The following RAB3GAP2 variants were observed in gnomAD, a reference collection of about 807,000 sequenced individuals.
RAB3GAP2 encodes RAB3 GTPase activating non-catalytic protein subunit 2.
In RAB3GAP2, 87 loss-of-function variants were observed where a neutral mutation model predicts 185.3. The observed-to-expected ratio is 0.47, with a 90% CI of 0.39 to 0.56. The LOEUF is 0.56. Ranked by LOEUF, RAB3GAP2 falls within the 20% of genes least tolerant of loss-of-function variation. RAB3GAP2 has a pLI of 0.00. For synonymous variants in RAB3GAP2, 554 were observed against 576.1 expected, an observed-to-expected ratio of 0.96 and a Z score of 0.55; for missense variants, 1,492 against 1,638.2, an observed-to-expected ratio of 0.91 and a Z score of 1.54.
chr1:220,225,844 TGA>T (rs1659392851), intron 2 of RAB3GAP2, among the ~76,000 whole-genome samples: 1 of 152,216 alleles, frequency 6.6e-6, no homozygotes, highest in Admixed American at 6.5e-5. Flanking sequence ...GCAGGTGGCA[TGA>T]GAGTCTACTG....
intron 3 of RAB3GAP2, 22 bp downstream of exon 3, chr1:220,213,834 C>T: frequency 6.2e-7 from 1 of 1,607,160 alleles, no homozygotes; most frequent in South Asian, 1.1e-5. Context: ...ATAAAGGTCG[C>T]TGAAAATAAT....
intron 1 of RAB3GAP2, among the ~76,000 whole-genome samples, chr1:220,263,499 T>C (rs921636808): frequency 1.3e-5 from 2 of 152,134 alleles, no homozygotes; most frequent in African/African-American, 2.4e-5. Flanking sequence ...TTCATTCTTT[T>C]GCATATGGAT....
chr1:220,252,724 A>G (rs1659960799), intron 1 of RAB3GAP2, among the ~76,000 whole-genome samples: 1 of 152,126 alleles, frequency 6.6e-6, no homozygotes, highest in Non-Finnish European at 1.5e-5. Flanking sequence ...TCTCCTCATG[A>G]GCCCACACCA....
Position 220,196,273 on chromosome 1 carries a change from T to G in RAB3GAP2, c.937A>C (p.Thr313Pro). The change falls in exon 10 of 35, where the codon ACT (threonine) becomes CCT (proline). Residue 313 changes from threonine to proline, a missense_variant. Around this residue, in one of 5 missense-constraint regions of RAB3GAP2, gnomAD observed 243 missense variants for 314.8 expected, o/e 0.77. Transcript: ENST00000358951. ...ACCTCTAAAGCATAGAAGAAGCCAGTAAATGGATTGGACCCTACAGTGATA... is the reference window on the plus strand; with the variant it reads ...ACCTCTAAAGCATAGAAGAAGCCAGGAAATGGATTGGACCCTACAGTGATA... ...QYITVGSNPF[T>P]GFFYALEGST... The G allele has an allele frequency of 6.2e-7, 1 of 1,613,474 alleles. No homozygotes were observed. The highest frequency in any genetic ancestry group is 1.3e-5 in the African/African-American group (1 of 75,038).
chr1:220,227,025 C>T (rs979398354), intron 2 of RAB3GAP2, among the ~76,000 whole-genome samples: 3 of 152,204 alleles, frequency 2.0e-5, no homozygotes, highest in African/African-American at 7.2e-5. Flanking sequence ...CACCAGAAAT[C>T]AGCCCCGATG....
At chr1:220,153,791 C>G (rs763596081) in intron 32 of RAB3GAP2, 177 bp downstream of exon 32, 241 of 767,814 alleles carry the variant, frequency 3.1e-4, no homozygotes, top group Non-Finnish European at 4.5e-4. Context: ...GTGATGTTCC[C>G]CACCCTGTGT....
intron 1 of RAB3GAP2, among the ~76,000 whole-genome samples, chr1:220,263,388 T>G (rs1660175276): frequency 6.6e-6 from 1 of 152,132 alleles, no homozygotes; most frequent in Non-Finnish European, 1.5e-5. Flanking sequence ...GTCATGAAGC[T>G]TTTCTCCTAT....
intron 9 of RAB3GAP2, among the ~76,000 whole-genome samples, chr1:220,197,943 C>A (rs1446508871): frequency 6.6e-6 from 1 of 152,116 alleles, no homozygotes; most frequent in Non-Finnish European, 1.5e-5. Context: ...TGATTTCAAG[C>A]TTACCACACT....
chr1:220,267,230 C>A, intron 1 of RAB3GAP2: 2 of 912,416 alleles, frequency 2.2e-6, no homozygotes, highest in East Asian at 4.8e-5. Context: ...GTTCTCTGCT[C>A]ATCAAACTTT....
intron 1 of RAB3GAP2, chr1:220,267,882 G>C: frequency 1.2e-6 from 1 of 842,416 alleles, no homozygotes; most frequent in East Asian, 2.4e-5. Context: ...AGCCTCAACA[G>C]GCCCTGAAAT....
intron 21 of RAB3GAP2, among the ~76,000 whole-genome samples, chr1:220,179,397 G>T (rs1008541820): frequency 6.6e-6 from 1 of 152,080 alleles, no homozygotes; most frequent in South Asian, 2.1e-4. Context: ...AGATCTAAAG[G>T]GAGAGACAGA....
chr1:220,193,699 G>A (rs976014311), intron 12 of RAB3GAP2, among the ~76,000 whole-genome samples: 13 of 152,100 alleles, frequency 8.5e-5, no homozygotes, highest in Non-Finnish European at 1.5e-4. Context: ...CTAAATTTTA[G>A]AATATGCTCC....
At chr1:220,168,236 G>A (rs1208576266) in intron 24 of RAB3GAP2, among the ~76,000 whole-genome samples, 2 of 151,960 alleles carry the variant, frequency 1.3e-5, no homozygotes, top group African/African-American at 4.8e-5. Context: ...GAGATTACAG[G>A]CGCCCACCAC....
At chr1:220,266,077 G>A (rs1461496638) in intron 1 of RAB3GAP2, 1 of 153,688 alleles carries the variant, frequency 6.5e-6, no homozygotes, top group Non-Finnish European at 1.4e-5. Flanking sequence ...ATCTTTTAAA[G>A]CTACAGAGGA....
intron 1 of RAB3GAP2, among the ~76,000 whole-genome samples, chr1:220,247,303 C>T (rs1659838365): frequency 6.6e-6 from 1 of 152,208 alleles, no homozygotes; most frequent in Non-Finnish European, 1.5e-5. Flanking sequence ...GACACATGCA[C>T]ACACGTTTAT....
chr1:220,189,827 C>T (rs1658580126), intron 16 of RAB3GAP2, 60 bp from the exon 17 acceptor site: 6 of 1,317,044 alleles, frequency 4.6e-6, no homozygotes, highest in Non-Finnish European at 6.3e-6. Context: ...AAACATTATT[C>T]TGAAAGAAAA....
chr1:220,189,185 T>G (rs892423626), intron 17 of RAB3GAP2, among the ~76,000 whole-genome samples: 2 of 151,652 alleles, frequency 1.3e-5, no homozygotes, highest in African/African-American at 4.8e-5. Flanking sequence ...TATTTACTAT[T>G]TTATATATAT....
rs1553272504 is a variant in RAB3GAP2, at chr1:220,148,520, A to G, written c.*2731T>C. ...AAACCCATTCCTATCAGGGTGAGAG[A>G]GGGCTTTTGCTGTTGCTATAGTGTA... On this transcript the variant is annotated 3_prime_UTR_variant, in exon 35 of 35. Transcript: ENST00000358951. 1 of 152,194 alleles carries G rather than the reference A, an allele frequency of 6.6e-6. No individual in the cohort carries two copies. Among genetic ancestry groups the G allele is most frequent in the South Asian group, 2.1e-4 (1 of 4,836 alleles). The allele number at this position is 152,194 out of a possible 1,614,324, so 9.4% of individuals were successfully genotyped here.
intron 24 of RAB3GAP2, among the ~76,000 whole-genome samples, chr1:220,168,797 A>G (rs1400702788): frequency 2.6e-5 from 4 of 152,266 alleles, no homozygotes; most frequent in East Asian, 1.9e-4. Context: ...TCAGTCATCA[A>G]TATAGTACAA....
Sources: gnomAD v4.1 joint callset for allele counts (sites outside exome capture counted in the v4.1 genomes callset) on GRCh38, gnomAD v4.1.1 for gene constraint, gnomAD v4.1.1 regional missense constraint, MANE v1.5 for transcripts, NCBI Gene and HGNC (gene_info 2026-07-23, HGNC 2026-07-21) for gene names.